ANGPT1: variants seen among roughly 807,000 people sequenced by gnomAD.
ANGPT1 encodes angiopoietin-1.
ANGPT1 carries 17 observed loss-of-function variants against 62.2 expected under a neutral mutation model. The observed-to-expected ratio is 0.27, with a 90% confidence interval of 0.19 to 0.41. ANGPT1 has a LOEUF of 0.41. ANGPT1 is among the 10% of genes least tolerant of loss of function. The pLI is 1.00. For synonymous variants in ANGPT1, 199 were observed against 198.9 expected, an observed-to-expected ratio of 1.00 and a Z score of 0.00; for missense variants, 478 against 594.9, an observed-to-expected ratio of 0.80 and a Z score of 2.04.
intron 1 of ANGPT1, among the ~76,000 whole-genome samples, chr8:107,375,151 TC>T (rs1245293863): frequency 7.8e-6 from 1 of 127,548 alleles, no homozygotes; most frequent in East Asian, 2.6e-4. Flanking sequence ...AGAGTGAGAC[TC>T]CATCTCAAAC....
At chr8:107,374,107 C>T (rs1003530087) in intron 1 of ANGPT1, among the ~76,000 whole-genome samples, 11 of 152,276 alleles carry the variant, frequency 7.2e-5, no homozygotes, top group Non-Finnish European at 1.2e-4. Context: ...ATATATGCTG[C>T]CTTGCAAAAC....
chr8:107,262,356 C>T (rs1315120652), intron 8 of ANGPT1, among the ~76,000 whole-genome samples: 1 of 152,220 alleles, frequency 6.6e-6, no homozygotes, highest in Non-Finnish European at 1.5e-5. Flanking sequence ...TATGCTCATT[C>T]ATGTACACTA....
At position 107,303,371 on chromosome 8, in the gene ANGPT1, C is replaced by CAAAAAAA. The variant is rs149628829; in HGVS notation, c.809-11_809-5dup. Reference sequence around the variant, plus strand: ...CTTTTTCCTCCCTTTAGTAAAACTGCAAAAAAAAAAAAAAAGATTGCAATA... The same window carrying CAAAAAAA: ...CTTTTTCCTCCCTTTAGTAAAACTGCAAAAAAAAAAAAAAAAAAAAAAGATTGCAATA... On this transcript the variant is annotated splice_region_variant and splice_polypyrimidine_tract_variant and intron_variant, in intron 4 of 8. Transcript: ENST00000517746. The CAAAAAAA allele has an allele frequency of 3.3e-6, 4 of 1,219,542 alleles. No individual in the cohort carries two copies. The highest frequency in any genetic ancestry group is 1.7e-5 in the African/African-American group (1 of 59,372). The allele number at this position is 1,219,542 out of a possible 1,614,324, so 75.5% of individuals were successfully genotyped here.
At chr8:107,280,464 T>C (rs369650875) in intron 7 of ANGPT1, among the ~76,000 whole-genome samples, 2 of 152,186 alleles carry the variant, frequency 1.3e-5, no homozygotes, top group Non-Finnish European at 2.9e-5. Context: ...CGCTTTAGTA[T>C]TGAAGGAGGC....
At chr8:107,261,703 TAAA>T (rs780893893) in intron 8 of ANGPT1, among the ~76,000 whole-genome samples, 2 of 136,536 alleles carry the variant, frequency 1.5e-5, no homozygotes, top group African/African-American at 5.4e-5. Context: ...AGACTCCATC[TAAA>T]AAAAAAAAAA....
intron 4 of ANGPT1, among the ~76,000 whole-genome samples, chr8:107,311,205 A>C (rs1208783187): frequency 2.0e-5 from 3 of 151,930 alleles, no homozygotes; most frequent in Non-Finnish European, 4.4e-5. Context: ...TTTAAAAAGT[A>C]GGCAAAACTA....
intron 1 of ANGPT1, among the ~76,000 whole-genome samples, chr8:107,367,286 T>G (rs1271515020): frequency 6.6e-6 from 1 of 152,188 alleles, no homozygotes; most frequent in East Asian, 1.9e-4. Context: ...GAAATAGCAT[T>G]ATGCCTAAAA....
At chr8:107,340,055 C>T (rs1287168946) in intron 2 of ANGPT1, among the ~76,000 whole-genome samples, 2 of 152,118 alleles carry the variant, frequency 1.3e-5, no homozygotes, top group African/African-American at 4.8e-5. Context: ...AGGTCTGAAG[C>T]GGGCAACCAA....
intron 3 of ANGPT1, among the ~76,000 whole-genome samples, chr8:107,335,385 C>T (rs1168241243): frequency 6.6e-6 from 1 of 152,152 alleles, no homozygotes; most frequent in Admixed American, 6.5e-5. Context: ...TATCTAGATA[C>T]CCCGAAGAAA....
chr8:107,259,991 T>C (rs919031379), intron 8 of ANGPT1, among the ~76,000 whole-genome samples: 6 of 152,146 alleles, frequency 3.9e-5, no homozygotes, highest in Non-Finnish European at 8.8e-5. Flanking sequence ...TAATGTTAAA[T>C]AGTAGATAAA....
intron 7 of ANGPT1, among the ~76,000 whole-genome samples, chr8:107,276,104 C>A (rs927767885): frequency 6.6e-6 from 1 of 152,042 alleles, no homozygotes; most frequent in African/African-American, 2.4e-5. Flanking sequence ...CCCAGGAAGC[C>A]TTTTTTGTCT....
At chr8:107,476,004 A>G (rs1022377100) in intron 1 of ANGPT1, among the ~76,000 whole-genome samples, 1 of 152,252 alleles carries the variant, frequency 6.6e-6, no homozygotes, top group African/African-American at 2.4e-5. Context: ...AAACTAGTTC[A>G]ACCATTGTGG....
chr8:107,346,609 C>A (rs1475568121), intron 2 of ANGPT1, among the ~76,000 whole-genome samples: 1 of 152,144 alleles, frequency 6.6e-6, no homozygotes, highest in African/African-American at 2.4e-5. Flanking sequence ...CAAAAATGCA[C>A]AACAAAGACA....
rs117412145 is a variant in ANGPT1 at position 107,472,458 on chromosome 8, T to C, written c.297+24804A>G. Among the ~76,000 whole-genome samples the C allele has an allele frequency of 4.6e-3, 706 of 152,184 alleles. 14 individuals carry two copies. The highest frequency in any genetic ancestry group is 0.035 in the East Asian group (183 of 5,192). On this transcript the variant is annotated intron_variant, in intron 1 of 8. Transcript: ENST00000517746. Reference sequence around the variant, plus strand: ...TTTTCACTGTATTTGAAGAAGGGAATCTTAAAGCAATCATCTGACTATCAA... The same window carrying C: ...TTTTCACTGTATTTGAAGAAGGGAACCTTAAAGCAATCATCTGACTATCAA...
intron 1 of ANGPT1, among the ~76,000 whole-genome samples, chr8:107,352,802 C>T (rs1815961136): frequency 6.6e-6 from 1 of 151,780 alleles, no homozygotes; most frequent in African/African-American, 2.4e-5. Context: ...TCAGTTATGA[C>T]AAAACAACCA....
At chr8:107,305,724 G>A (rs1814699416) in intron 4 of ANGPT1, among the ~76,000 whole-genome samples, 1 of 151,932 alleles carries the variant, frequency 6.6e-6, no homozygotes, top group South Asian at 2.1e-4. Context: ...GTATTTTCTT[G>A]AAATTTAATT....
chr8:107,487,681 G>A (rs2130534551), intron 1 of ANGPT1, among the ~76,000 whole-genome samples: 1 of 152,230 alleles, frequency 6.6e-6, no homozygotes, highest in East Asian at 1.9e-4. Flanking sequence ...CGGACTCATG[G>A]ATTATTTTAT....
chr8:107,419,280 T>C (rs1810836669), intron 1 of ANGPT1, among the ~76,000 whole-genome samples: 1 of 152,158 alleles, frequency 6.6e-6, no homozygotes, highest in African/African-American at 2.4e-5. Flanking sequence ...AAGCAGGCTT[T>C]AAAAGAATTC....
chr8:107,399,956 G>A (rs376726705), intron 1 of ANGPT1, among the ~76,000 whole-genome samples: 5 of 152,098 alleles, frequency 3.3e-5, no homozygotes, highest in East Asian at 1.9e-4. Flanking sequence ...AAATTAGAGC[G>A]CTAGGTTTCT....
Sources: allele counts gnomAD v4.1 joint callset (sites outside exome capture counted in the v4.1 genomes callset), GRCh38; gene constraint gnomAD v4.1.1; transcripts MANE v1.5; gene names NCBI Gene and HGNC (gene_info 2026-07-23, HGNC 2026-07-21).